LOXL2: variants seen among roughly 807,000 people sequenced by gnomAD.
LOXL2 encodes lysyl oxidase like 2.
LOXL2 carries 70 observed loss-of-function variants against 93.0 expected under a neutral mutation model. The ratio of observed to expected loss-of-function variants is 0.75; its 90% confidence interval spans 0.62 to 0.92. LOXL2 has a LOEUF of 0.92. Among genes scored for constraint, LOXL2 ranks in the 40% least tolerant of loss-of-function variants. LOXL2 has a pLI of 0.00. For missense variants in LOXL2, 973 were observed against 1,054.9 expected (o/e 0.92, Z 1.08); for synonymous variants, 438 against 413.2 (o/e 1.06, Z -0.73).
chr8:23,315,729 T>A lies in LOXL2; in HGVS notation c.1636+1220A>T, dbSNP rs184810335. 8.3e-4 allele frequency among the ~76,000 whole-genome samples: 126 copies of A among 152,310 alleles called. 1 individual carries two copies. The highest frequency in any genetic ancestry group is 1.2e-3 in the South Asian group (6 of 4,820). On this transcript the variant is annotated intron_variant, in intron 9 of 13. Transcript: ENST00000389131. Reference sequence around the variant, plus strand: ...CTCATAATAAATGCATAGAACCCCCTAGTACACATTTGTAAAATTAACCCC... The same window carrying A: ...CTCATAATAAATGCATAGAACCCCCAAGTACACATTTGTAAAATTAACCCC...
At chr8:23,366,678 A>C (rs142198108) in intron 2 of LOXL2, among the ~76,000 whole-genome samples, 1,874 of 152,220 alleles carry the variant, frequency 0.012, 31 homozygotes, top group African/African-American at 0.042. Flanking sequence ...CCAGGACAGG[A>C]GTATAGGCAG....
chr8:23,404,022 C>T lies in LOXL2; in HGVS notation c.-152G>A. On this transcript the variant is annotated 5_prime_UTR_variant, in exon 1 of 14. Transcript: ENST00000389131. ...CCACGGTGGTCCCCCTCCGCTTCCGCCGCCGCTGAGCCCCTTTCTCGAGCA... is the reference window on the plus strand; with the variant it reads ...CCACGGTGGTCCCCCTCCGCTTCCGTCGCCGCTGAGCCCCTTTCTCGAGCA... 2 of 180,858 alleles carry T rather than the reference C, an allele frequency of 1.1e-5. No homozygotes were observed. Among genetic ancestry groups the T allele is most frequent in the South Asian group, 8.2e-5 (1 of 12,146 alleles). The allele number at this position is 180,858 out of a possible 1,614,324, so 11.2% of individuals were successfully genotyped here. A position where few individuals can be genotyped will look rare whatever the true frequency, so the allele number is the denominator to read the frequency against.
chr8:23,388,541 G>A (rs1188577114), intron 1 of LOXL2, among the ~76,000 whole-genome samples: 1 of 151,892 alleles, frequency 6.6e-6, no homozygotes, highest in Non-Finnish European at 1.5e-5. Context: ...CAGTGACTGT[G>A]CCACTGCACT....
At chr8:23,319,777 C>T in intron 8 of LOXL2, 108 bp downstream of exon 8, 1 of 1,277,546 alleles carries the variant, frequency 7.8e-7, no homozygotes, top group Non-Finnish European at 1.1e-6. Flanking sequence ...CTTGCTCTGT[C>T]CTGCCTGCAC....
intron 3 of LOXL2, among the ~76,000 whole-genome samples, chr8:23,355,705 G>A (rs988322144): frequency 6.0e-5 from 9 of 150,182 alleles, no homozygotes; most frequent in Non-Finnish European, 8.9e-5. Context: ...CACTTCCTAC[G>A]GTCAATCAAT....
intron 3 of LOXL2, among the ~76,000 whole-genome samples, chr8:23,349,818 A>T (rs1454047785): frequency 6.6e-6 from 1 of 152,004 alleles, no homozygotes; most frequent in East Asian, 1.9e-4. Context: ...CCAGACACAG[A>T]GTGGGTCCCC....
intron 1 of LOXL2, among the ~76,000 whole-genome samples, chr8:23,380,386 C>A (rs145616513): frequency 1.9e-5 from 1 of 53,140 alleles, no homozygotes; most frequent in African/African-American, 6.4e-5. Context: ...AGCGAGACTC[C>A]GTCTCAAAAA....
At chr8:23,321,554 T>C (rs567407168) in intron 7 of LOXL2, among the ~76,000 whole-genome samples, 2 of 152,290 alleles carry the variant, frequency 1.3e-5, no homozygotes, top group South Asian at 2.1e-4. Flanking sequence ...TGGGACCTCA[T>C]GGTCAGCCAG....
Position 23,403,964 on chromosome 8 carries a change from G to A in LOXL2, c.-94C>T, listed in dbSNP as rs182853448. On this transcript the variant is annotated 5_prime_UTR_variant, in exon 1 of 14. Transcript: ENST00000389131. Reference sequence around the variant, plus strand: ...GGGAAGCGCTCTTACTTGGTTTCAGGGATCCGCAGTGGCCGGGCTGGGACC... The same window carrying A: ...GGGAAGCGCTCTTACTTGGTTTCAGAGATCCGCAGTGGCCGGGCTGGGACC... 6.6e-4 allele frequency: 109 copies of A among 164,502 alleles called. No homozygotes were observed. The highest frequency in any genetic ancestry group is 2.3e-3 in the African/African-American group (97 of 41,704). The allele number at this position is 164,502 out of a possible 1,614,324, so 10.2% of individuals were successfully genotyped here.
At position 23,298,000 on chromosome 8, in the gene LOXL2, AT is replaced by A. The variant is rs761044418; in HGVS notation, c.*42del. 1 of 1,523,828 alleles carries A rather than the reference AT, an allele frequency of 6.6e-7. No individual in the cohort carries two copies. The highest frequency in any genetic ancestry group is 1.7e-5 in the Admixed American group (1 of 58,554). 94.4% of individuals were successfully genotyped at this position (1,523,828 alleles called of 1,614,324 possible). ...TTGTTGGGGGGAAGTCCCATGGAAG[AT>A]GTGGTGTGGCCTGAAGACAGGAGTT... On this transcript the variant is annotated 3_prime_UTR_variant, in exon 14 of 14. Transcript: ENST00000389131.
At chr8:23,309,598 CA>C (rs1002306002) in intron 10 of LOXL2, 69 bp downstream of exon 10, 91 of 1,341,866 alleles carry the variant, frequency 6.8e-5, no homozygotes, top group Admixed American at 1.1e-4. Context: ...TGGCAACTCT[CA>C]ACTCCCATCT....
Position 23,322,161 on chromosome 8 carries a change from C to G in LOXL2, c.1271G>C (p.Cys424Ser). ...CNHEEDAGVR[C>S]NTPAMGLQKK... ...CTGCAAGCCCATGGCAGGGGTGTTG[C>G]ATCTCACACCAGCATCCTCCTCGTG... is the stretch of plus-strand genomic sequence containing the variant. Residue 424 changes from cysteine (C) to serine (S), a missense_variant, in exon 7 of 14, where the codon TGC becomes TCC. Physicochemically the swap from Cys to Ser is moderately radical, Grantham distance 112. Coordinates refer to ENST00000389131, the MANE Select transcript of LOXL2 (RefSeq NM_002318.3). The G allele has an allele frequency of 2.5e-6, 4 of 1,614,180 alleles. No homozygotes were observed. Among genetic ancestry groups the G allele is most frequent in the Non-Finnish European group, 3.4e-6 (4 of 1,180,006 alleles).
chr8:23,366,191 A>C (rs1385487056), intron 2 of LOXL2: 1 of 152,252 alleles, frequency 6.6e-6, no homozygotes, highest in Non-Finnish European at 1.5e-5. Flanking sequence ...GGAAAACATG[A>C]ATCTGAGGTT....
At chr8:23,337,830 C>G (rs1475567512) in intron 4 of LOXL2, among the ~76,000 whole-genome samples, 2 of 152,180 alleles carry the variant, frequency 1.3e-5, no homozygotes, top group Non-Finnish European at 2.9e-5. Context: ...GTGCCACGGC[C>G]ACACCAATCA....
Position 23,316,969 on chromosome 8 carries a change from G to A in LOXL2, c.1616C>T (p.Ala539Val), listed in dbSNP as rs1803412427. 6.2e-7 allele frequency: 1 copy of A among 1,608,424 alleles called. No homozygotes were observed. The change falls in exon 9 of 14, where the codon GCC becomes GTC. Residue 539 changes from alanine (A) to valine (V), a missense_variant. By Grantham distance (64) the Ala-to-Val change is moderately conservative. Coordinates refer to ENST00000389131, the MANE Select transcript of LOXL2 (RefSeq NM_002318.3). ...CTCACTTTCTGAGCAGGCAACTCCG[G>A]CCCCGTACTGCACTCCGCCCTGGGG... Reference protein sequence around the residue: ...ACPQGGVQYGAGVACSETAPD... With the variant: ...ACPQGGVQYGVGVACSETAPD...
intron 6 of LOXL2, among the ~76,000 whole-genome samples, chr8:23,324,403 C>A (rs1803546168): frequency 6.6e-6 from 1 of 152,164 alleles, no homozygotes; most frequent in Admixed American, 6.5e-5. Context: ...AGAAAGAGGC[C>A]CAGTGTGGCT....
chr8:23,299,046 C>T (rs1056550174), intron 12 of LOXL2, 99 bp from the exon 13 acceptor site: 22 of 728,892 alleles, frequency 3.0e-5, no homozygotes, highest in Admixed American at 1.0e-4. Context: ...GGAAGGGGAG[C>T]GTGGCAGGTG....
intron 8 of LOXL2, 143 bp downstream of exon 8, chr8:23,319,742 C>G (rs932110710): frequency 1.1e-6 from 1 of 869,582 alleles, no homozygotes; most frequent in Admixed American, 2.5e-5. Context: ...CAGAGCGAGG[C>G]TCCCTGCCTC....
At chr8:23,304,220 G>A (rs1472406702) in intron 10 of LOXL2, among the ~76,000 whole-genome samples, 2 of 152,246 alleles carry the variant, frequency 1.3e-5, no homozygotes, top group Non-Finnish European at 2.9e-5. Flanking sequence ...CCTTGCCGCT[G>A]GTTTACATAA....
Sources: gnomAD v4.1 joint callset for allele counts (sites outside exome capture counted in the v4.1 genomes callset) on GRCh38, gnomAD v4.1.1 for gene constraint, MANE v1.5 for transcripts, NCBI Gene and HGNC (gene_info 2026-07-23, HGNC 2026-07-21) for gene names.